Variants in DSCAM observed in about 807,000 individuals in gnomAD.
The protein encoded by DSCAM is cell adhesion molecule DSCAM.
DSCAM carries 47 observed loss-of-function variants against 217.7 expected under a neutral mutation model. That is an observed-to-expected ratio of 0.22 (90% CI 0.17 to 0.28). The LOEUF (loss-of-function observed/expected upper bound fraction) is 0.28, where lower values mean the gene tolerates loss of function less well. Among genes scored for constraint, DSCAM ranks in the 10% least tolerant of loss-of-function variants. The pLI is 1.00. For synonymous variants in DSCAM, 1,056 were observed against 1,015.3 expected (o/e 1.04, Z -0.76); for missense variants, 2,080 against 2,618.3 (o/e 0.79, Z 4.49).
At chr21:40,492,535 G>T (rs994812009) in intron 3 of DSCAM, among the ~76,000 whole-genome samples, 7 of 151,038 alleles carry the variant, frequency 4.6e-5, no homozygotes, top group African/African-American at 1.7e-4. Flanking sequence ...ATTTAGCAGT[G>T]AGATTGACAT....
intron 1 of DSCAM, among the ~76,000 whole-genome samples, chr21:40,744,143 G>A (rs2091151495): frequency 6.6e-6 from 1 of 152,188 alleles, no homozygotes; most frequent in Non-Finnish European, 1.5e-5. Flanking sequence ...GGAGGTGGAT[G>A]TTTGATCCCC....
rs2076570218 is a variant in DSCAM at position 40,544,972 on chromosome 21, TTA to T, written c.508+147836_508+147837del. Among the ~76,000 whole-genome samples the T allele has an allele frequency of 4.6e-5, 7 of 152,068 alleles. No individual in the cohort carries two copies. In the South Asian group the frequency reaches 1.5e-3, roughly 32 times the overall value. On this transcript the variant is annotated intron_variant, in intron 3 of 32. Transcript: ENST00000400454. ...AATTCAAAATTTAGGAACCTATTGT[TTA>T]TGTTTCTCCAAAATTCATTTGTCGA...
intron 27 of DSCAM, among the ~76,000 whole-genome samples, chr21:40,070,815 T>C (rs1332553865): frequency 6.6e-6 from 1 of 152,208 alleles, no homozygotes; most frequent in Non-Finnish European, 1.5e-5. Context: ...CCCCTTAATC[T>C]GCCTGCATAG....
chr21:40,813,088 T>C (rs2091852666), intron 1 of DSCAM, among the ~76,000 whole-genome samples: 1 of 152,324 alleles, frequency 6.6e-6, no homozygotes, highest in Non-Finnish European at 1.5e-5. Flanking sequence ...AACTCTGGCT[T>C]TGAAATACGA....
chr21:40,392,967 A>G (rs1239293586), intron 3 of DSCAM, among the ~76,000 whole-genome samples: 2 of 152,208 alleles, frequency 1.3e-5, no homozygotes, highest in Non-Finnish European at 2.9e-5. Context: ...AAGATCAATG[A>G]GCTGATACAC....
chr21:40,316,779 C>A (rs2074201570), intron 8 of DSCAM, among the ~76,000 whole-genome samples: 1 of 152,060 alleles, frequency 6.6e-6, no homozygotes, highest in African/African-American at 2.4e-5. Flanking sequence ...TTGAATACTG[C>A]CAAATGTCAA....
intron 1 of DSCAM, among the ~76,000 whole-genome samples, chr21:40,791,488 A>G (rs2091642659): frequency 3.3e-5 from 5 of 152,056 alleles, no homozygotes; most frequent in Admixed American, 3.3e-4. Flanking sequence ...CCCCGTCTGT[A>G]CTAAAAATAC....
intron 3 of DSCAM, among the ~76,000 whole-genome samples, chr21:40,403,629 GCACACA>G (rs3069908): frequency 0.014 from 2,024 of 145,840 alleles, 19 homozygotes; most frequent in African/African-American, 0.028. Context: ...GCATGCATGT[GCACACA>G]CACACACACA....
At chr21:40,204,525 C>T (rs1425962456) in intron 11 of DSCAM, among the ~76,000 whole-genome samples, 1 of 152,144 alleles carries the variant, frequency 6.6e-6, no homozygotes, top group East Asian at 1.9e-4. Flanking sequence ...CCTTAAAGTT[C>T]TCAGATGGTC....
At chr21:40,644,326 A>T (rs1006073433) in intron 3 of DSCAM, among the ~76,000 whole-genome samples, 1 of 152,180 alleles carries the variant, frequency 6.6e-6, no homozygotes, top group Non-Finnish European at 1.5e-5. Context: ...TGTAGTTGGG[A>T]CCCTCATCAG....
intron 3 of DSCAM, among the ~76,000 whole-genome samples, chr21:40,528,559 C>T (rs973006609): frequency 2.6e-5 from 4 of 152,160 alleles, no homozygotes; most frequent in Non-Finnish European, 5.9e-5. Context: ...CTACTTCAAT[C>T]GTCATGTCTG....
Position 40,692,888 on chromosome 21 carries a change from T to C in DSCAM, c.430A>G (p.Lys144Glu). 1.2e-6 allele frequency: 2 copies of C among 1,614,020 alleles called. No homozygotes were observed. The highest frequency in any genetic ancestry group is 1.3e-5 in the African/African-American group (1 of 75,026). The change falls in exon 3 of 33, where the codon AAG (lysine) becomes GAG (glutamate). Residue 144 changes from lysine to glutamate, a missense_variant. By Grantham distance (56) the Lys-to-Glu change is moderately conservative. Transcript: ENST00000400454. ...KTMRGNVAVF[K>E]CIIPSSVEAY... The stretch of plus-strand genomic sequence containing the variant: ...TCCACCGAGGAGGGGATAATGCACT[T>C]GAAGACCGCAACATTGCCTCTCATG...
chr21:40,425,178 G>T (rs914757331), intron 3 of DSCAM, among the ~76,000 whole-genome samples: 9 of 152,036 alleles, frequency 5.9e-5, no homozygotes, highest in Non-Finnish European at 1.0e-4. Context: ...CCAAGGTTTG[G>T]GTTACATAAA....
intron 3 of DSCAM, among the ~76,000 whole-genome samples, chr21:40,437,507 G>A (rs1047146161): frequency 2.0e-5 from 3 of 152,178 alleles, no homozygotes; most frequent in Admixed American, 2.0e-4. Flanking sequence ...TTGCAAGGGA[G>A]GCATTGAGGA....
At chr21:40,588,835 CAG>C (rs1207515130) in intron 3 of DSCAM, among the ~76,000 whole-genome samples, 1 of 151,902 alleles carries the variant, frequency 6.6e-6, no homozygotes, top group African/African-American at 2.4e-5. Flanking sequence ...ATTATGTTGA[CAG>C]AGGAAGAAAA....
intron 32 of DSCAM, among the ~76,000 whole-genome samples, chr21:40,019,885 G>T (rs559127117): frequency 6.6e-6 from 1 of 152,234 alleles, no homozygotes; most frequent in African/African-American, 2.4e-5. Context: ...CACTTCCTCT[G>T]CTTTGCTTCC....
chr21:40,455,244 C>T (rs1014656777), intron 3 of DSCAM, among the ~76,000 whole-genome samples: 2 of 151,798 alleles, frequency 1.3e-5, no homozygotes, highest in African/African-American at 2.4e-5. Flanking sequence ...ATTGAGCCGA[C>T]GAATCATTTG....
In DSCAM at chr21:40,824,599, G is replaced by C. The variant is rs553919948; in HGVS notation, c.43+22020C>G. Among the ~76,000 whole-genome samples the C allele has an allele frequency of 1.6e-4, 25 of 152,034 alleles. No individual in the cohort carries two copies. In the South Asian group the frequency reaches 5.2e-3, roughly 32 times the overall value. Reference sequence around the variant, plus strand: ...TTACTTTTTAAAAAATATTTTTGTAGAGATTGGGTCTCACCACGTTTTCCA... The same window carrying C: ...TTACTTTTTAAAAAATATTTTTGTACAGATTGGGTCTCACCACGTTTTCCA... On this transcript the variant is annotated intron_variant, in intron 1 of 32. Transcript: ENST00000400454.
intron 5 of DSCAM, among the ~76,000 whole-genome samples, chr21:40,348,258 C>T (rs1485233788): frequency 3.6e-5 from 5 of 138,246 alleles, no homozygotes; most frequent in Admixed American, 7.3e-5. Flanking sequence ...CCATACGGTT[C>T]CTATCAGCCA....
Sources: gnomAD v4.1 joint callset for allele counts (sites outside exome capture counted in the v4.1 genomes callset) on GRCh38, gnomAD v4.1.1 for gene constraint, MANE v1.5 for transcripts, NCBI Gene and HGNC (gene_info 2026-07-23, HGNC 2026-07-21) for gene names.